MATCAP2: variants seen among roughly 807,000 people sequenced by gnomAD.
MATCAP2 encodes the protein putative tyrosine carboxypeptidase MATCAP2.
the MATCAP2 span, among the ~76,000 whole-genome samples, chr7:36,380,198 G>A: frequency 1.3e-5 from 2 of 152,174 alleles, no homozygotes; most frequent in East Asian, 3.9e-4. Context: ...GTGGCAAATA[G>A]CAGGGTTTAT....
chr7:36,338,088 A>G, the MATCAP2 span, among the ~76,000 whole-genome samples: 1 of 152,256 alleles, frequency 6.6e-6, no homozygotes, highest in Non-Finnish European at 1.5e-5. Context: ...CTCTGGCATA[A>G]CATCACAAGA....
At chr7:36,357,333 T>C in the MATCAP2 span, 2 of 1,614,210 alleles carry the variant, frequency 1.2e-6, no homozygotes, top group Admixed American at 3.3e-5. Flanking sequence ...GGATCTTTGC[T>C]ACGAGAAGTG....
At chr7:36,341,134 C>T in the MATCAP2 span, among the ~76,000 whole-genome samples, 3 of 151,854 alleles carry the variant, frequency 2.0e-5, no homozygotes, top group Admixed American at 1.3e-4. Context: ...GTAGTTTATC[C>T]GCTCCCCCTA....
the MATCAP2 span, chr7:36,383,956 T>C: frequency 7.6e-6 from 10 of 1,315,604 alleles, no homozygotes; most frequent in Admixed American, 2.2e-4. Flanking sequence ...TTTGTGTTAT[T>C]GTATTACTTT....
the MATCAP2 span, among the ~76,000 whole-genome samples, chr7:36,342,316 A>G: frequency 1.3e-5 from 2 of 151,780 alleles, no homozygotes; most frequent in Non-Finnish European, 2.9e-5. Context: ...AGTAGCTGGG[A>G]TTACAGGCAC....
At chr7:36,366,470 T>G in the MATCAP2 span, among the ~76,000 whole-genome samples, 3 of 152,198 alleles carry the variant, frequency 2.0e-5, no homozygotes, top group African/African-American at 7.2e-5. Flanking sequence ...GTTCTCACTG[T>G]TTAAGAATAA....
chr7:36,357,818 A>C, the MATCAP2 span, among the ~76,000 whole-genome samples: 6 of 152,218 alleles, frequency 3.9e-5, no homozygotes, highest in African/African-American at 1.4e-4. Flanking sequence ...TATCTAAAAA[A>C]TCCTCAGCTT....
chr7:36,340,150 G>A, the MATCAP2 span, among the ~76,000 whole-genome samples: 2 of 152,228 alleles, frequency 1.3e-5, no homozygotes, highest in East Asian at 1.9e-4. Flanking sequence ...TTATAGGCAT[G>A]AGCCACCGCG....
the MATCAP2 span, among the ~76,000 whole-genome samples, chr7:36,351,992 A>C: frequency 6.6e-6 from 1 of 151,762 alleles, no homozygotes; most frequent in Non-Finnish European, 1.5e-5. Context: ...CAAGGAAAAT[A>C]AGTTTTTCCA....
the MATCAP2 span, among the ~76,000 whole-genome samples, chr7:36,346,653 T>C: frequency 6.6e-6 from 1 of 152,352 alleles, no homozygotes; most frequent in Non-Finnish European, 1.5e-5. Context: ...CGATTGCTAA[T>C]GGGTACAGTG....
the MATCAP2 span, among the ~76,000 whole-genome samples, chr7:36,339,521 C>T: frequency 1.3e-5 from 2 of 152,174 alleles, no homozygotes; most frequent in African/African-American, 4.8e-5. Context: ...GATTCAAGTG[C>T]ATGTAAAATG....
chr7:36,370,357 A>G, the MATCAP2 span, among the ~76,000 whole-genome samples: 2 of 152,262 alleles, frequency 1.3e-5, no homozygotes, highest in Non-Finnish European at 2.9e-5. Flanking sequence ...CTGTTTCTAT[A>G]TTAACCATTA....
At chr7:36,345,784 G>A in the MATCAP2 span, among the ~76,000 whole-genome samples, 1 of 152,100 alleles carries the variant, frequency 6.6e-6, no homozygotes, top group Admixed American at 6.6e-5. Flanking sequence ...ACATCTTCAT[G>A]ACCCTGGATT....
At chr7:36,382,265 A>C in the MATCAP2 span, among the ~76,000 whole-genome samples, 37 of 143,296 alleles carry the variant, frequency 2.6e-4, no homozygotes, top group African/African-American at 9.6e-4. Flanking sequence ...AGAGTTGTGC[A>C]ACTGCACTCC....
At chr7:36,351,463 G>T in the MATCAP2 span, among the ~76,000 whole-genome samples, 3 of 152,136 alleles carry the variant, frequency 2.0e-5, no homozygotes, top group Non-Finnish European at 4.4e-5. Flanking sequence ...ATAGAGTGTT[G>T]TGTGCTGTGT....
chr7:36,375,767 C>G, the MATCAP2 span, among the ~76,000 whole-genome samples: 1 of 152,064 alleles, frequency 6.6e-6, no homozygotes, highest in South Asian at 2.1e-4. Flanking sequence ...AATTTCAGAG[C>G]CAGTTATTGG....
the MATCAP2 span, chr7:36,336,100 A>ATAAAC: frequency 1.9e-5 from 24 of 1,264,062 alleles, no homozygotes; most frequent in Non-Finnish European, 2.4e-5. Flanking sequence ...ATAAAATAAA[A>ATAAAC]TAAACTATGA....
chr7:36,368,080 G>C, the MATCAP2 span: 1,734 of 152,186 alleles, frequency 0.011, 17 homozygotes, highest in Non-Finnish European at 0.02. Flanking sequence ...AAGTACGGTG[G>C]GAATGGGAAA....
the MATCAP2 span, among the ~76,000 whole-genome samples, chr7:36,338,288 A>C: frequency 6.6e-6 from 1 of 151,890 alleles, no homozygotes; most frequent in Non-Finnish European, 1.5e-5. Flanking sequence ...GCACCTTTTT[A>C]ATGTATTTAT....
Sources: gnomAD v4.1 joint callset for allele counts (sites outside exome capture counted in the v4.1 genomes callset) on GRCh38, gnomAD v4.1.1 for gene constraint, MANE v1.5 for transcripts, NCBI Gene and HGNC (gene_info 2026-07-23, HGNC 2026-07-21) for gene names.